The following SCAPER variants were observed in gnomAD, a reference collection of about 807,000 sequenced individuals.
The protein encoded by SCAPER is S-phase cyclin A associated protein in the ER, also known as S phase cyclin A-associated protein in the endoplasmic reticulum.
A neutral mutation model predicts 182.2 loss-of-function variants in SCAPER; 98 were observed. The ratio of observed to expected loss-of-function variants is 0.54; its 90% CI spans 0.46 to 0.64. The LOEUF (loss-of-function observed/expected upper bound fraction) is 0.64. Ranked by LOEUF, SCAPER falls within the 30% of genes least tolerant of loss-of-function variation. The probability of loss-of-function intolerance (pLI) is 0.00; values close to 1 mark genes in which losing one functional copy is unlikely to be tolerated. For missense variants in SCAPER, 1,432 were observed against 1,690.0 expected (o/e 0.85, Z 2.68); for synonymous variants, 605 against 564.6 (o/e 1.07, Z -1.01).
At chr15:76,578,710 C>A (rs966365456) in intron 22 of SCAPER, among the ~76,000 whole-genome samples, 1 of 152,184 alleles carries the variant, frequency 6.6e-6, no homozygotes, top group Admixed American at 6.5e-5. Flanking sequence ...GGTTTCAACA[C>A]CCAAGTCCCT....
At position 76,765,416 on chromosome 15, in the gene SCAPER, T is replaced by C. The variant is rs2151279197; in HGVS notation, c.1534A>G (p.Ile512Val). Residue 512 changes from isoleucine (I) to valine (V), a missense_variant, in exon 13 of 32, where the codon ATT (isoleucine) becomes GTT (valine). By Grantham distance (29) the Ile-to-Val change is conservative. Around this residue, in one of 5 missense-constraint regions of SCAPER, gnomAD observed 128 missense variants for 149.9 expected, o/e 0.85. Transcript: ENST00000563290. Reference protein sequence around the residue: ...SWRQNTSWGDIVEEEPARPPG... With the variant: ...SWRQNTSWGDVVEEEPARPPG... Reference sequence around the variant, plus strand: ...GGTCTAGCAGGTTCTTCTTCTACAATGTCCCCCCAGGATGTATTTTGGCGC... The same window carrying C: ...GGTCTAGCAGGTTCTTCTTCTACAACGTCCCCCCAGGATGTATTTTGGCGC... The C allele has an allele frequency of 1.9e-6, 3 of 1,613,976 alleles. No individual in the cohort carries two copies. The highest frequency in any genetic ancestry group is 8.5e-7 in the Non-Finnish European group (1 of 1,179,854).
chr15:76,589,078 C>G (rs2048911193), intron 22 of SCAPER, among the ~76,000 whole-genome samples: 1 of 152,078 alleles, frequency 6.6e-6, no homozygotes, highest in South Asian at 2.1e-4. Flanking sequence ...GCACAGATAT[C>G]TCTAATGTGA....
chr15:76,461,486 G>A (rs1454362703), intron 25 of SCAPER, among the ~76,000 whole-genome samples: 1 of 151,760 alleles, frequency 6.6e-6, no homozygotes, highest in African/African-American at 2.4e-5. Flanking sequence ...GCCTAATGGT[G>A]ATTTTTCTGT....
intron 26 of SCAPER, among the ~76,000 whole-genome samples, chr15:76,408,912 A>G (rs1457019889): frequency 6.6e-6 from 1 of 152,168 alleles, no homozygotes; most frequent in Admixed American, 6.5e-5. Flanking sequence ...ACAGCCAGAA[A>G]GGAAGAAAGA....
At chr15:76,445,037 G>C (rs900124444) in intron 25 of SCAPER, among the ~76,000 whole-genome samples, 7 of 152,110 alleles carry the variant, frequency 4.6e-5, no homozygotes, top group African/African-American at 7.2e-5. Context: ...TCACATGGAT[G>C]AACTGTATAG....
intron 24 of SCAPER, among the ~76,000 whole-genome samples, chr15:76,482,415 C>G (rs767094153): frequency 2.6e-5 from 4 of 152,094 alleles, no homozygotes; most frequent in Non-Finnish European, 4.4e-5. Flanking sequence ...GAAACTGTAG[C>G]TAACATCTTA....
Position 76,801,610 on chromosome 15 carries a change from T to C in SCAPER, c.495-1246A>G, listed in dbSNP as rs189222835. ...ATGAGGCAAAGAAGAGAAATGCTGA[T>C]AACTGGCAAAAGTAAAAGGGATGCC... On this transcript the variant is annotated intron_variant, in intron 6 of 31. Transcript: ENST00000563290. Among the ~76,000 whole-genome samples the C allele has an allele frequency of 1.1e-3, 162 of 152,210 alleles. 1 individual carries two copies. The highest frequency in any genetic ancestry group is 1.5e-3 in the Admixed American group (23 of 15,280).
intron 20 of SCAPER, among the ~76,000 whole-genome samples, chr15:76,676,607 A>C (rs1285097262): frequency 6.6e-6 from 1 of 152,120 alleles, no homozygotes; most frequent in Non-Finnish European, 1.5e-5. Flanking sequence ...GATTTACAAC[A>C]AAATATCAGC....
chr15:76,453,149 C>T, intron 25 of SCAPER, among the ~76,000 whole-genome samples: 1 of 152,158 alleles, frequency 6.6e-6, no homozygotes, highest in East Asian at 1.9e-4. Flanking sequence ...GACCTTTTTC[C>T]CTGAACCTTG....
intron 29 of SCAPER, among the ~76,000 whole-genome samples, chr15:76,367,270 G>C (rs1281130947): frequency 1.3e-5 from 2 of 152,166 alleles, no homozygotes; most frequent in Admixed American, 1.3e-4. Context: ...ATTGTGATGG[G>C]CTTTCTGTAA....
chr15:76,547,199 T>C lies in SCAPER; in HGVS notation c.2838+26959A>G, dbSNP rs139488610. Among the ~76,000 whole-genome samples the C allele has an allele frequency of 3.9e-3, 598 of 152,300 alleles. 7 individuals carry two copies. The highest frequency in any genetic ancestry group is 0.014 in the African/African-American group (570 of 41,564). ...TTCCGTTTCCCCATATGCTTTCCCA[T>C]ATTTAGTATTTTGAACTTTCAATTT... On this transcript the variant is annotated intron_variant, in intron 23 of 31. Coordinates refer to ENST00000563290, the MANE Select transcript of SCAPER (RefSeq NM_020843.4).
At chr15:76,672,876 A>G (rs2057120294) in intron 20 of SCAPER, among the ~76,000 whole-genome samples, 2 of 152,096 alleles carry the variant, frequency 1.3e-5, no homozygotes, top group South Asian at 4.1e-4. Flanking sequence ...TACACAATAC[A>G]CTCGAAAATA....
chr15:76,446,884 G>A (rs1272483227), intron 25 of SCAPER, among the ~76,000 whole-genome samples: 2 of 152,038 alleles, frequency 1.3e-5, no homozygotes, highest in Non-Finnish European at 2.9e-5. Context: ...ACCATACTTC[G>A]AGTACCTATA....
At chr15:76,822,000 G>C (rs553938919) in intron 5 of SCAPER, among the ~76,000 whole-genome samples, 62 of 152,260 alleles carry the variant, frequency 4.1e-4, no homozygotes, top group African/African-American at 1.4e-3. Flanking sequence ...GTTAGGGGTG[G>C]GGGACTGGGG....
chr15:76,399,622 C>T (rs1205811257), intron 27 of SCAPER, among the ~76,000 whole-genome samples: 1 of 152,166 alleles, frequency 6.6e-6, no homozygotes, highest in Non-Finnish European at 1.5e-5. Context: ...AAGCCTGGTA[C>T]AAGTCATCAG....
intron 21 of SCAPER, among the ~76,000 whole-genome samples, chr15:76,653,012 G>GACAT (rs1403205964): frequency 1.3e-5 from 2 of 152,164 alleles, no homozygotes; most frequent in Non-Finnish European, 2.9e-5. Context: ...ATTGATAAAT[G>GACAT]ACATTAGTAA....
chr15:76,728,686 A>G lies in SCAPER; in HGVS notation c.2074T>C (p.Leu692=), dbSNP rs2060734529. 4 of 1,613,432 alleles carry G rather than the reference A, an allele frequency of 2.5e-6. No individual in the cohort carries two copies. The highest frequency in any genetic ancestry group is 4.5e-5 in the East Asian group (2 of 44,858). The change falls in exon 17 of 32, where the codon TTA becomes CTA. Residue 692 remains leucine, a synonymous_variant. Coordinates refer to ENST00000563290, the MANE Select transcript of SCAPER (RefSeq NM_020843.4). Reference sequence around the variant, plus strand: ...GCTTCTTGTTCTTTCCTCTTCATTAACAATTCTTCTACACGGGCCTGCCGC... The same window carrying G: ...GCTTCTTGTTCTTTCCTCTTCATTAGCAATTCTTCTACACGGGCCTGCCGC... The part of the protein sequence containing the change: ...AERQARVEEL[L]MKRKEQEARI...
At chr15:76,849,950 A>G (rs1416892437) in intron 4 of SCAPER, among the ~76,000 whole-genome samples, 1 of 152,126 alleles carries the variant, frequency 6.6e-6, no homozygotes, top group African/African-American at 2.4e-5. Flanking sequence ...AATGCTGGAC[A>G]CCTATAAAAC....
intron 24 of SCAPER, among the ~76,000 whole-genome samples, chr15:76,480,618 C>T (rs961156941): frequency 2.6e-5 from 4 of 152,362 alleles, no homozygotes; most frequent in African/African-American, 9.6e-5. Flanking sequence ...AGCACAAAGT[C>T]TGGCTGAGCA....
Sources: gnomAD v4.1 joint callset for allele counts (sites outside exome capture counted in the v4.1 genomes callset) on GRCh38, gnomAD v4.1.1 for gene constraint, gnomAD v4.1.1 regional missense constraint, MANE v1.5 for transcripts, NCBI Gene and HGNC (gene_info 2026-07-23, HGNC 2026-07-21) for gene names.